PACS1: variants seen among roughly 807,000 people sequenced by gnomAD.
The protein encoded by PACS1 is PACS-1.
Under a neutral mutation model 115.0 loss-of-function variants are expected in PACS1, and 24 were observed. The observed-to-expected ratio is 0.21, with a 90% CI of 0.15 to 0.29. The LOEUF (loss-of-function observed/expected upper bound fraction) is 0.29, where lower values mean the gene tolerates loss of function less well. Ranked by LOEUF, PACS1 falls within the 10% of genes least tolerant of loss-of-function variation. The pLI is 1.00. For missense variants in PACS1, 838 were observed against 1,251.2 expected (o/e 0.67, Z 4.98); for synonymous variants, 453 against 504.5 (o/e 0.90, Z 1.37).
At chr11:66,112,278 C>G (rs1044553733) in intron 1 of PACS1, among the ~76,000 whole-genome samples, 1 of 152,178 alleles carries the variant, frequency 6.6e-6, no homozygotes, top group Admixed American at 6.6e-5. Flanking sequence ...TTACCCTCTT[C>G]GCCTAGTTTG....
intron 23 of PACS1, 58 bp from the exon 24 acceptor site, chr11:66,243,107 G>T: frequency 6.2e-7 from 1 of 1,611,512 alleles, no homozygotes; most frequent in Non-Finnish European, 8.5e-7. Context: ...CTTTCCCAAG[G>T]GGCCCTGGGG....
chr11:66,237,783 C>CG, intron 19 of PACS1, among the ~76,000 whole-genome samples: 1 of 152,236 alleles, frequency 6.6e-6, no homozygotes, highest in South Asian at 2.1e-4. Flanking sequence ...AAATGCCAGG[C>CG]AAACAAGGAG....
At chr11:66,200,858 G>A (rs1279829125) in intron 2 of PACS1, among the ~76,000 whole-genome samples, 1 of 150,134 alleles carries the variant, frequency 6.7e-6, no homozygotes, top group Non-Finnish European at 1.5e-5. Flanking sequence ...TTTTTCATTA[G>A]CATGTGGATC....
At chr11:66,213,476 A>C (rs1164891186) in intron 4 of PACS1, among the ~76,000 whole-genome samples, 1 of 152,210 alleles carries the variant, frequency 6.6e-6, no homozygotes, top group Non-Finnish European at 1.5e-5. Context: ...TCAGTAGAGG[A>C]TGGTGTTCAG....
chr11:66,210,941 G>C (rs551721437), intron 3 of PACS1, among the ~76,000 whole-genome samples, 193 bp from the exon 4 acceptor site: 1 of 152,322 alleles, frequency 6.6e-6, no homozygotes, highest in South Asian at 2.1e-4. Flanking sequence ...GGACCCCAGA[G>C]CTGTGGCGTA....
chr11:66,150,698 T>C (rs887008451), intron 1 of PACS1, among the ~76,000 whole-genome samples: 1 of 152,322 alleles, frequency 6.6e-6, no homozygotes. Context: ...GTAAATTACT[T>C]TCTGTTGGAT....
chr11:66,076,178 A>G (rs1329844267), intron 1 of PACS1, among the ~76,000 whole-genome samples: 10 of 152,246 alleles, frequency 6.6e-5, no homozygotes, highest in African/African-American at 1.9e-4. Context: ...TTAGAAAGAT[A>G]ATGACTTTCA....
At chr11:66,087,753 A>G (rs966735035) in intron 1 of PACS1, among the ~76,000 whole-genome samples, 7 of 152,184 alleles carry the variant, frequency 4.6e-5, no homozygotes, top group Non-Finnish European at 1.0e-4. Context: ...ATTCTTGTAC[A>G]TGTCTGTTGG....
intron 2 of PACS1, among the ~76,000 whole-genome samples, chr11:66,194,685 A>G (rs1470488015): frequency 2.0e-5 from 3 of 152,206 alleles, no homozygotes; most frequent in African/African-American, 4.8e-5. Flanking sequence ...TGGAGTCTTC[A>G]GCTTAAGGAT....
intron 1 of PACS1, among the ~76,000 whole-genome samples, chr11:66,154,663 G>A (rs1859313746): frequency 6.6e-6 from 1 of 152,166 alleles, no homozygotes; most frequent in South Asian, 2.1e-4. Flanking sequence ...TTAACAAAAT[G>A]TATGTAAAAC....
intron 1 of PACS1, among the ~76,000 whole-genome samples, chr11:66,174,001 G>A (rs540731288): frequency 1.5e-4 from 22 of 151,626 alleles, no homozygotes; most frequent in Non-Finnish European, 2.8e-4. Context: ...GCAGTGAGTC[G>A]AGATCGTGCC....
chr11:66,121,493 A>G (rs1055400777), intron 1 of PACS1, among the ~76,000 whole-genome samples: 1 of 152,232 alleles, frequency 6.6e-6, no homozygotes, highest in Non-Finnish European at 1.5e-5. Context: ...AAGCCAAGAC[A>G]GGCTAAAAAC....
At chr11:66,146,190 A>G (rs1156238542) in intron 1 of PACS1, among the ~76,000 whole-genome samples, 1 of 152,194 alleles carries the variant, frequency 6.6e-6, no homozygotes, top group Non-Finnish European at 1.5e-5. Context: ...GAAGATAATC[A>G]GTCAATAGAA....
chr11:66,219,147 G>A (rs1158636628), intron 7 of PACS1, among the ~76,000 whole-genome samples: 1 of 152,028 alleles, frequency 6.6e-6, no homozygotes, highest in Non-Finnish European at 1.5e-5. Context: ...CAGGGTATGA[G>A]ATGTCAGCTG....
chr11:66,212,766 G>A (rs1293562123), intron 4 of PACS1, among the ~76,000 whole-genome samples: 1 of 152,134 alleles, frequency 6.6e-6, no homozygotes, highest in Non-Finnish European at 1.5e-5. Flanking sequence ...ATTCTTGCCT[G>A]AATTGGTCAT....
At chr11:66,197,367 T>G (rs1428263414) in intron 2 of PACS1, among the ~76,000 whole-genome samples, 1 of 152,216 alleles carries the variant, frequency 6.6e-6, no homozygotes, top group Non-Finnish European at 1.5e-5. Flanking sequence ...GTTAATTGGA[T>G]TTTAACATAT....
At position 66,230,850 on chromosome 11, in the gene PACS1, C is replaced by T. The variant is rs1443455075; in HGVS notation, c.1536C>T (p.Pro512=). 5 of 1,614,186 alleles carry T rather than the reference C, an allele frequency of 3.1e-6. No homozygotes were observed. Among genetic ancestry groups the T allele is most frequent in the Non-Finnish European group, 3.4e-6 (4 of 1,180,012 alleles). ...CACCCCGGCAGAAGAGGAGCACGCC[C>T]CTGAAGGAGCGGCAGCTCTCCAAGC... ...VHTPRQKRST[P]LKERQLSKPL... The change falls in exon 13 of 24, where the codon CCC becomes CCT. Residue 512 remains proline (P), a synonymous_variant. Transcript: ENST00000320580.
chr11:66,158,328 G>T (rs546815594), intron 1 of PACS1, among the ~76,000 whole-genome samples: 58 of 152,218 alleles, frequency 3.8e-4, no homozygotes, highest in Non-Finnish European at 7.5e-4. Flanking sequence ...ACAAGAGCAG[G>T]ATGCCATGTA....
chr11:66,145,410 C>A, intron 1 of PACS1, among the ~76,000 whole-genome samples: 1 of 152,064 alleles, frequency 6.6e-6, no homozygotes. Flanking sequence ...AAGTAATGAC[C>A]CTCAGTAGCA....
Sources: allele counts gnomAD v4.1 joint callset (sites outside exome capture counted in the v4.1 genomes callset), GRCh38; gene constraint gnomAD v4.1.1; transcripts MANE v1.5; gene names NCBI Gene and HGNC (gene_info 2026-07-23, HGNC 2026-07-21).